PHLPP1: variants seen among roughly 807,000 people sequenced by gnomAD.
PHLPP1 encodes the protein PH domain leucine-rich repeat-containing protein phosphatase 1.
In PHLPP1, 42 loss-of-function variants were observed where a neutral mutation model predicts 117.2. The observed-to-expected ratio is 0.36, with a 90% CI of 0.28 to 0.46. The LOEUF (loss-of-function observed/expected upper bound fraction) is 0.46, where lower values mean the gene tolerates loss of function less well. PHLPP1 is among the 20% of genes least tolerant of loss of function. The pLI is 1.00. For missense variants in PHLPP1, 2,084 were observed against 2,241.9 expected, an observed-to-expected ratio of 0.93 and a Z score of 1.42; for synonymous variants, 1,042 against 970.7, an observed-to-expected ratio of 1.07 and a Z score of -1.37.
intron 1 of PHLPP1, among the ~76,000 whole-genome samples, chr18:62,730,212 T>G (rs1233828225): frequency 6.6e-6 from 1 of 152,226 alleles, no homozygotes; most frequent in Admixed American, 6.5e-5. Context: ...TTAAACTAGT[T>G]ACCACCTGGA....
chr18:62,781,459 A>G (rs538996922), intron 1 of PHLPP1, among the ~76,000 whole-genome samples: 14 of 152,198 alleles, frequency 9.2e-5, no homozygotes, highest in African/African-American at 3.1e-4. Context: ...TGGCTCTATC[A>G]CTGGGCTCTC....
At chr18:62,958,003 C>T (rs1275849240) in intron 12 of PHLPP1, among the ~76,000 whole-genome samples, 4 of 152,246 alleles carry the variant, frequency 2.6e-5, no homozygotes, top group South Asian at 2.1e-4. Context: ...CCACTGTGCC[C>T]GGTGCACCTA....
chr18:62,787,818 A>T (rs1913339651), intron 1 of PHLPP1, among the ~76,000 whole-genome samples: 1 of 152,172 alleles, frequency 6.6e-6, no homozygotes, highest in African/African-American at 2.4e-5. Context: ...TATGCTGTGC[A>T]TACTAGTGGG....
chr18:62,763,520 A>G (rs186519150), intron 1 of PHLPP1, among the ~76,000 whole-genome samples: 15 of 152,200 alleles, frequency 9.9e-5, no homozygotes, highest in African/African-American at 1.7e-4. Flanking sequence ...GCCTGTACTG[A>G]ACTGCTGTCG....
intron 1 of PHLPP1, among the ~76,000 whole-genome samples, chr18:62,772,872 T>G (rs1912834342): frequency 6.7e-6 from 1 of 149,284 alleles, no homozygotes; most frequent in African/African-American, 2.5e-5. Flanking sequence ...CTTTTTGTTC[T>G]TTGGAAGGTG....
intron 4 of PHLPP1, among the ~76,000 whole-genome samples, chr18:62,863,400 C>T (rs1354359009): frequency 6.6e-6 from 1 of 152,116 alleles, no homozygotes; most frequent in African/African-American, 2.4e-5. Context: ...GATGGGGTTT[C>T]ACCATGTTGC....
At chr18:62,791,823 A>G (rs964571324) in intron 1 of PHLPP1, among the ~76,000 whole-genome samples, 1 of 152,166 alleles carries the variant, frequency 6.6e-6, no homozygotes, top group Non-Finnish European at 1.5e-5. Context: ...ACTGACTGTC[A>G]TTGGAAGGTT....
intron 6 of PHLPP1, among the ~76,000 whole-genome samples, chr18:62,901,415 C>G (rs962699292): frequency 6.6e-6 from 1 of 152,156 alleles, no homozygotes; most frequent in African/African-American, 2.4e-5. Context: ...AAAACATCCT[C>G]TTAGGGCCAT....
intron 3 of PHLPP1, among the ~76,000 whole-genome samples, chr18:62,857,271 G>A (rs1024822177): frequency 2.0e-5 from 3 of 150,672 alleles, no homozygotes; most frequent in Non-Finnish European, 4.5e-5. Context: ...ATGGAGGTGT[G>A]TGTGTATTGT....
intron 11 of PHLPP1, among the ~76,000 whole-genome samples, chr18:62,944,088 A>C (rs1007634721): frequency 6.6e-6 from 1 of 152,184 alleles, no homozygotes; most frequent in Non-Finnish European, 1.5e-5. Context: ...AAATTCTTTA[A>C]AAGTGTATTG....
At chr18:62,835,008 T>C (rs145790437) in intron 2 of PHLPP1, among the ~76,000 whole-genome samples, 232 of 152,324 alleles carry the variant, frequency 1.5e-3, no homozygotes, top group African/African-American at 5.4e-3. Context: ...ATCTTGAGTA[T>C]TGATTTATCG....
chr18:62,718,417 G>T (rs1427542816), intron 1 of PHLPP1, among the ~76,000 whole-genome samples: 1 of 152,192 alleles, frequency 6.6e-6, no homozygotes, highest in Non-Finnish European at 1.5e-5. Flanking sequence ...AATTTAATTA[G>T]TTTGCATGAA....
intron 14 of PHLPP1, among the ~76,000 whole-genome samples, chr18:62,969,823 A>T (rs186563770): frequency 6.4e-4 from 98 of 152,344 alleles, no homozygotes; most frequent in Middle Eastern, 3.4e-3. Flanking sequence ...TATACCTTTT[A>T]AAAAATCCTT....
At position 62,947,684 on chromosome 18, in the gene PHLPP1, A is replaced by G. The variant is rs186035647; in HGVS notation, c.3324+2413A>G. Among the ~76,000 whole-genome samples the G allele has an allele frequency of 4.6e-5, 7 of 152,304 alleles. No homozygotes were observed. The East Asian group carries it at 1.3e-3, about 29-fold the overall frequency. ...TAATGTTATAAACTCTTAAATGTAGATTTAGATTCTTGTTTTGGGGTTCTT... is the reference window on the plus strand; with the variant it reads ...TAATGTTATAAACTCTTAAATGTAGGTTTAGATTCTTGTTTTGGGGTTCTT... On this transcript the variant is annotated intron_variant, in intron 12 of 16. Coordinates refer to ENST00000262719, the MANE Select transcript of PHLPP1 (RefSeq NM_194449.4).
chr18:62,894,235 G>A (rs143052114), intron 4 of PHLPP1, among the ~76,000 whole-genome samples: 52 of 152,238 alleles, frequency 3.4e-4, no homozygotes, highest in African/African-American at 1.2e-3. Context: ...TCACTCTGTC[G>A]CCCAGGCTAC....
At chr18:62,854,545 T>G (rs187056112) in intron 3 of PHLPP1, among the ~76,000 whole-genome samples, 2 of 152,186 alleles carry the variant, frequency 1.3e-5, no homozygotes, top group African/African-American at 4.8e-5. Context: ...CTTAAACATA[T>G]CCTGAGGAGT....
chr18:62,747,934 A>G (rs1048834665), intron 1 of PHLPP1, among the ~76,000 whole-genome samples: 7 of 152,184 alleles, frequency 4.6e-5, no homozygotes, highest in Admixed American at 6.5e-5. Flanking sequence ...ATAATTGTCA[A>G]AGTGCCTGGA....
At chr18:62,749,787 G>T (rs1470902238) in intron 1 of PHLPP1, among the ~76,000 whole-genome samples, 1 of 152,174 alleles carries the variant, frequency 6.6e-6, no homozygotes, top group African/African-American at 2.4e-5. Context: ...AAGCCGAAGC[G>T]GGTGGGTCAC....
chr18:62,821,904 G>T (rs1013516253), intron 1 of PHLPP1, among the ~76,000 whole-genome samples: 1 of 151,804 alleles, frequency 6.6e-6, no homozygotes, highest in Non-Finnish European at 1.5e-5. Flanking sequence ...GATTACAGGC[G>T]CATGCCACTA....
Sources: gnomAD v4.1 joint callset for allele counts (sites outside exome capture counted in the v4.1 genomes callset) on GRCh38, gnomAD v4.1.1 for gene constraint, MANE v1.5 for transcripts, NCBI Gene and HGNC (gene_info 2026-07-23, HGNC 2026-07-21) for gene names.